Variants in RANBP17 observed in about 807,000 individuals in gnomAD.
RANBP17 encodes the protein ran-binding protein 17.
Under a neutral mutation model 141.2 loss-of-function variants are expected in RANBP17, and 158 were observed. The ratio of observed to expected loss-of-function variants is 1.12; its 90% confidence interval spans 0.98 to 1.28. The LOEUF is 1.28. RANBP17 is among the 50% of genes most tolerant of loss of function. RANBP17 has a pLI of 0.00. For missense variants in RANBP17, 1,438 were observed against 1,290.7 expected (o/e 1.11, Z -1.75); for synonymous variants, 430 against 450.0 (o/e 0.96, Z 0.56).
At chr5:170,896,632 C>T (rs1770146181) in intron 5 of RANBP17, among the ~76,000 whole-genome samples, 1 of 152,078 alleles carries the variant, frequency 6.6e-6, no homozygotes, top group African/African-American at 2.4e-5. Flanking sequence ...GAATTCGAGA[C>T]CAGCCTGGCC....
intron 13 of RANBP17, among the ~76,000 whole-genome samples, chr5:170,957,183 A>T (rs531144446): frequency 5.9e-5 from 9 of 152,264 alleles, no homozygotes; most frequent in African/African-American, 2.2e-4. Context: ...AATGAGAAAC[A>T]AATATTAGTT....
intron 14 of RANBP17, among the ~76,000 whole-genome samples, chr5:170,994,071 T>C (rs374270261): frequency 8.5e-5 from 13 of 152,126 alleles, no homozygotes; most frequent in African/African-American, 2.4e-4. Flanking sequence ...TACCTACTTA[T>C]GTTTTGCAAA....
chr5:171,255,669 CA>C (rs1052283620), intron 24 of RANBP17, among the ~76,000 whole-genome samples: 1 of 151,988 alleles, frequency 6.6e-6, no homozygotes, highest in Non-Finnish European at 1.5e-5. Flanking sequence ...ACTTTTAAAA[CA>C]TATAGGGTCA....
intron 14 of RANBP17, among the ~76,000 whole-genome samples, chr5:171,155,078 G>GAAAAAAAAAAA (rs145976955): frequency 2.7e-5 from 2 of 75,000 alleles, no homozygotes; most frequent in African/African-American, 6.2e-5. Flanking sequence ...ACTCCATCTA[G>GAAAAAAAAAAA]AAAAAAAAAA....
At chr5:171,186,108 C>G (rs918276224) in intron 18 of RANBP17, among the ~76,000 whole-genome samples, 2 of 152,148 alleles carry the variant, frequency 1.3e-5, no homozygotes, top group African/African-American at 4.8e-5. Context: ...GCACTGGCAT[C>G]AACTTCAAGT....
At chr5:171,222,602 AG>A (rs1369310801) in intron 22 of RANBP17, among the ~76,000 whole-genome samples, 1 of 152,064 alleles carries the variant, frequency 6.6e-6, no homozygotes, top group Admixed American at 6.6e-5. Flanking sequence ...CAAACTGTTA[AG>A]TAAATTTAGT....
intron 5 of RANBP17, among the ~76,000 whole-genome samples, chr5:170,908,626 A>G (rs563619276): frequency 2.6e-4 from 40 of 151,292 alleles, no homozygotes; most frequent in African/African-American, 9.2e-4. Flanking sequence ...AAACACACAC[A>G]TGTACCCCCA....
At chr5:170,909,404 A>T (rs577248966) in intron 5 of RANBP17, among the ~76,000 whole-genome samples, 8 of 151,794 alleles carry the variant, frequency 5.3e-5, no homozygotes, top group East Asian at 1.9e-4. Flanking sequence ...AATATGGTAC[A>T]TGGTTTAGGA....
In RANBP17 at chr5:171,242,793, T is replaced by C. The variant is rs779478918; in HGVS notation, c.2749T>C (p.Ser917Pro). 6.2e-7 allele frequency: 1 copy of C among 1,613,850 alleles called. No homozygotes were observed. Among genetic ancestry groups the C allele is most frequent in the South Asian group, 1.1e-5 (1 of 91,064 alleles). The change falls in exon 24 of 28, where the codon TCT becomes CCT. Residue 917 changes from serine to proline, a missense_variant. By Grantham distance (74) the Ser-to-Pro change is moderately conservative. Coordinates refer to ENST00000523189, the MANE Select transcript of RANBP17 (RefSeq NM_022897.5). ...TCCTGTACTCATGTATGTTCTCACA[T>C]CTATCTCAGAGGGACTCACTACTCT... ...EPPVLMYVLT[S>P]ISEGLTTLDT... is the part of the protein sequence containing the mutation.
At chr5:171,297,193 T>G (rs1236985105) in intron 27 of RANBP17, among the ~76,000 whole-genome samples, 1 of 152,224 alleles carries the variant, frequency 6.6e-6, no homozygotes, top group African/African-American at 2.4e-5. Flanking sequence ...GGAGATAGGT[T>G]CAGGCTTATC....
intron 14 of RANBP17, among the ~76,000 whole-genome samples, chr5:170,989,846 C>T (rs1181585808): frequency 6.6e-6 from 1 of 151,648 alleles, no homozygotes; most frequent in African/African-American, 2.4e-5. Context: ...AGACTATCAA[C>T]TTTCATGTAT....
intron 14 of RANBP17, among the ~76,000 whole-genome samples, chr5:171,114,131 C>T (rs1291015296): frequency 1.3e-5 from 2 of 151,962 alleles, no homozygotes; most frequent in African/African-American, 4.8e-5. Context: ...TAAAAGCTTC[C>T]TGGGTTCTTC....
intron 12 of RANBP17, among the ~76,000 whole-genome samples, chr5:170,951,082 GAGTGGGGC>G (rs1253425268): frequency 6.6e-6 from 1 of 152,022 alleles, no homozygotes; most frequent in African/African-American, 2.4e-5. Context: ...GTGGACTGGG[GAGTGGGGC>G]AGGATGAAGA....
intron 14 of RANBP17, among the ~76,000 whole-genome samples, chr5:171,026,242 C>T (rs1425101886): frequency 2.6e-5 from 4 of 152,316 alleles, no homozygotes; most frequent in Non-Finnish European, 5.9e-5. Flanking sequence ...CATACACAAT[C>T]TTATTTTAAC....
At chr5:171,254,005 T>A (rs545572477) in intron 24 of RANBP17, among the ~76,000 whole-genome samples, 5 of 152,122 alleles carry the variant, frequency 3.3e-5, no homozygotes, top group Admixed American at 6.5e-5. Context: ...CCCAACACTT[T>A]AGGAGGCCGA....
intron 14 of RANBP17, among the ~76,000 whole-genome samples, chr5:171,112,743 T>G (rs930916726): frequency 6.6e-6 from 1 of 151,952 alleles, no homozygotes; most frequent in African/African-American, 2.4e-5. Context: ...GGTATAATCT[T>G]ACTTTCCTTT....
intron 14 of RANBP17, among the ~76,000 whole-genome samples, chr5:170,971,952 A>C (rs544418403): frequency 6.6e-6 from 1 of 152,228 alleles, no homozygotes; most frequent in South Asian, 2.1e-4. Flanking sequence ...GTCAAGTCTT[A>C]ATGCTTTGCT....
intron 25 of RANBP17, among the ~76,000 whole-genome samples, chr5:171,276,670 G>A (rs1471155963): frequency 6.6e-6 from 1 of 151,640 alleles, no homozygotes; most frequent in Non-Finnish European, 1.5e-5. Flanking sequence ...GCAAAGGAGT[G>A]GTAAAAAAAT....
rs1784104867 is a variant in RANBP17, at chr5:171,063,876, CT to C, written c.1710+95500del. Among the ~76,000 whole-genome samples the C allele has an allele frequency of 2.0e-5, 3 of 152,348 alleles. No homozygotes were observed. The South Asian group carries it at 6.2e-4, about 32-fold the overall frequency. Reference sequence around the variant, plus strand: ...CGAGCCTGGGCAATGGCGGGCGCCCCTCCCCCAGCCTCGCTGCTGCCTTGCA... The same window carrying C: ...CGAGCCTGGGCAATGGCGGGCGCCCCCCCCCAGCCTCGCTGCTGCCTTGCA... On this transcript the variant is annotated intron_variant, in intron 14 of 27. Transcript: ENST00000523189.
Sources: gnomAD v4.1 joint callset for allele counts (sites outside exome capture counted in the v4.1 genomes callset) on GRCh38, gnomAD v4.1.1 for gene constraint, MANE v1.5 for transcripts, NCBI Gene and HGNC (gene_info 2026-07-23, HGNC 2026-07-21) for gene names.